PLA2G5: variants seen among roughly 807,000 people sequenced by gnomAD.
The protein encoded by PLA2G5 is phospholipase A2 group V.
Under a neutral mutation model 15.9 loss-of-function variants are expected in PLA2G5, and 12 were observed. The observed-to-expected ratio is 0.76, with a 90% CI of 0.48 to 1.23. The LOEUF (loss-of-function observed/expected upper bound fraction) is 1.23, where lower values mean the gene tolerates loss of function less well. Ranked by LOEUF, PLA2G5 falls within the 50% of genes most tolerant of loss-of-function variation. The pLI is 0.00. For synonymous variants in PLA2G5, 71 were observed against 71.4 expected (o/e 0.99, Z 0.03); for missense variants, 169 against 177.1 (o/e 0.95, Z 0.26).
At chr1:20,068,994 C>G (rs1172955156), upstream of PLA2G5, 1 of 1,227,500 alleles carries the variant, frequency 8.1e-7, no homozygotes, top group Non-Finnish European at 1.1e-6. Context: ...CAGATACCAA[C>G]AGACCATTCG....
At chr1:20,059,035 A>G (rs759921399) in intron 1 of PLA2G5, among the ~76,000 whole-genome samples, 5 of 147,144 alleles carry the variant, frequency 3.4e-5, no homozygotes, top group Non-Finnish European at 6.0e-5. Context: ...TTAGCCAGGC[A>G]TGGTGGTGTG....
rs139622124 is a variant in PLA2G5 at position 20,042,989 on chromosome 1, C to T, written n.276+14280C>T. 7.5e-3 allele frequency among the ~76,000 whole-genome samples: 1,137 copies of T among 151,786 alleles called. 19 individuals carry two copies. Among genetic ancestry groups the T allele is most frequent in the African/African-American group, 0.026 (1,056 of 41,320 alleles). ...TTCAATAAGGTGAGAAGCAGACGGACGGAAAGAAAGTAAATCATGAGAAAG... is the reference window on the plus strand; with the variant it reads ...TTCAATAAGGTGAGAAGCAGACGGATGGAAAGAAAGTAAATCATGAGAAAG... On this transcript the variant is annotated intron_variant and non_coding_transcript_variant, in intron 1 of 6. Coordinates refer to the PLA2G5 transcript ENST00000460175.
At chr1:20,036,866 T>C (rs1303522961) in intron 1 of PLA2G5, among the ~76,000 whole-genome samples, 2 of 152,104 alleles carry the variant, frequency 1.3e-5, no homozygotes, top group Admixed American at 6.5e-5. Context: ...GGTTTCTCCA[T>C]GTTGGTCACG....
chr1:20,071,696 C>T (rs1485630552), intron 1 of PLA2G5, among the ~76,000 whole-genome samples: 2 of 152,130 alleles, frequency 1.3e-5, no homozygotes, highest in African/African-American at 4.8e-5. Flanking sequence ...GGCCTTTGTA[C>T]TTGCTCTTCC....
intron 2 of PLA2G5, among the ~76,000 whole-genome samples, chr1:20,061,885 T>C (rs1382153689): frequency 5.3e-5 from 8 of 152,264 alleles, no homozygotes; most frequent in Non-Finnish European, 7.3e-5. Flanking sequence ...GTTCGGATGT[T>C]TGTCCCCACC....
chr1:20,029,469 A>G (rs2012782919), intron 1 of PLA2G5, among the ~76,000 whole-genome samples: 1 of 151,916 alleles, frequency 6.6e-6, no homozygotes. Context: ...GCTCCTCTTG[A>G]CGTGCAGCCG....
At position 20,085,477 on chromosome 1, in the gene PLA2G5, T is replaced by A. The variant is rs575961123; in HGVS notation, c.41-606T>A. ...ACTGTGAAACCCTGGACAGGGCACCTCTTCCCTCCATGCCTCAGTTTCCCA... is the reference window on the plus strand; with the variant it reads ...ACTGTGAAACCCTGGACAGGGCACCACTTCCCTCCATGCCTCAGTTTCCCA... On this transcript the variant is annotated intron_variant, in intron 2 of 4. Transcript: ENST00000375108. Among the ~76,000 whole-genome samples the A allele has an allele frequency of 8.5e-5, 13 of 152,234 alleles. No individual in the cohort carries two copies. The South Asian group carries it at 2.5e-3, about 29-fold the overall frequency.
At chr1:20,032,508 T>C (rs2013014246) in intron 1 of PLA2G5, among the ~76,000 whole-genome samples, 1 of 151,954 alleles carries the variant, frequency 6.6e-6, no homozygotes, top group African/African-American at 2.4e-5. Flanking sequence ...TCAGGCCTGG[T>C]GTGTGGGGAA....
chr1:20,083,612 G>T (rs1301904915), intron 1 of PLA2G5, among the ~76,000 whole-genome samples: 1 of 151,906 alleles, frequency 6.6e-6, no homozygotes. Context: ...CTCTAAGCTG[G>T]CAATGGCTGT....
At chr1:20,056,271 T>C (rs1036858039) in intron 1 of PLA2G5, among the ~76,000 whole-genome samples, 3 of 151,880 alleles carry the variant, frequency 2.0e-5, no homozygotes, top group African/African-American at 4.8e-5. Flanking sequence ...ACTCAGAGTG[T>C]GGCAGTCTTC....
At chr1:20,063,855 G>T (rs1291078605) in intron 2 of PLA2G5, among the ~76,000 whole-genome samples, 1 of 152,118 alleles carries the variant, frequency 6.6e-6, no homozygotes, top group Non-Finnish European at 1.5e-5. Flanking sequence ...CACGAAATCT[G>T]TCCAGTGCAA....
Position 20,047,354 on chromosome 1 carries a change from G to GA in PLA2G5, n.277-12265dup, listed in dbSNP as rs200094633. 1.6e-3 allele frequency among the ~76,000 whole-genome samples: 226 copies of GA among 139,422 alleles called. 1 individual carries two copies. Among genetic ancestry groups the GA allele is most frequent in the Admixed American group, 3.3e-3 (46 of 13,960 alleles). The allele number at this position is 139,422 out of a possible 152,430, so 91.5% of individuals were successfully genotyped here. On this transcript the variant is annotated intron_variant and non_coding_transcript_variant, in intron 1 of 6. Coordinates refer to the PLA2G5 transcript ENST00000460175. ...GCCACAGCTCAGTTCCTCCTTTTAG[G>GA]AAAAAAAAAAAAAGTGGGAAACAAA...
chr1:20,078,934 C>T (rs1015845797), intron 1 of PLA2G5, among the ~76,000 whole-genome samples: 1 of 151,796 alleles, frequency 6.6e-6, no homozygotes, highest in Non-Finnish European at 1.5e-5. Flanking sequence ...TGGTGGGACC[C>T]CGACTCTATA....
At chr1:20,083,396 A>G (rs2016129805) in intron 1 of PLA2G5, among the ~76,000 whole-genome samples, 1 of 151,884 alleles carries the variant, frequency 6.6e-6, no homozygotes, top group Non-Finnish European at 1.5e-5. Context: ...CCAGGGGTTC[A>G]GGTAGAGCTC....
intron 1 of PLA2G5, among the ~76,000 whole-genome samples, chr1:20,040,091 A>T (rs956922626): frequency 5.9e-5 from 9 of 152,288 alleles, no homozygotes; most frequent in Admixed American, 2.6e-4. Flanking sequence ...ACAAACAAAC[A>T]CACAAACAAA....
At chr1:20,077,782 G>C (rs2015769011) in intron 1 of PLA2G5, among the ~76,000 whole-genome samples, 1 of 152,192 alleles carries the variant, frequency 6.6e-6, no homozygotes, top group South Asian at 2.1e-4. Flanking sequence ...CTGAGACACA[G>C]ATTTGAACAC....
intron 3 of PLA2G5, chr1:20,089,028 C>T (rs2016434916): frequency 6.6e-6 from 1 of 152,346 alleles, no homozygotes; most frequent in East Asian, 1.9e-4. Context: ...TGGTCTCAAA[C>T]TCCTGGACTT....
intron 1 of PLA2G5, among the ~76,000 whole-genome samples, chr1:20,051,668 T>C (rs1032723786): frequency 2.6e-5 from 4 of 152,196 alleles, no homozygotes; most frequent in African/African-American, 9.6e-5. Context: ...TAGGACACAA[T>C]TGGAGAAACT....
At position 20,062,864 on chromosome 1, in the gene PLA2G5, G is replaced by A. The variant is rs547977937; in HGVS notation, n.337+3172G>A. On this transcript the variant is annotated intron_variant and non_coding_transcript_variant, in intron 2 of 6. Transcript: ENST00000460175. ...CAGATGAGTTCTAGGCCTGGCCTTC[G>A]AGAGACTCTGAGATGATGGACAAGC... Among the ~76,000 whole-genome samples, 6 of 152,222 alleles carry A rather than the reference G, an allele frequency of 3.9e-5. No individual in the cohort carries two copies. In the South Asian group the frequency reaches 1.0e-3, roughly 26 times the overall value.
Sources: allele counts gnomAD v4.1 joint callset (sites outside exome capture counted in the v4.1 genomes callset), GRCh38; gene constraint gnomAD v4.1.1; transcripts MANE v1.5; gene names NCBI Gene and HGNC (gene_info 2026-07-23, HGNC 2026-07-21).